The following HRH1 variants were observed in gnomAD, a reference collection of about 807,000 sequenced individuals.
HRH1 encodes the protein histamine receptor H1.
Under a neutral mutation model 10.3 loss-of-function variants are expected in HRH1, and 6 were observed. That is an observed-to-expected ratio of 0.58 (90% CI 0.32 to 1.15). The LOEUF is 1.15. Among genes scored for constraint, HRH1 ranks in the 50% most tolerant of loss-of-function variants. HRH1 has a pLI of 0.05. For synonymous variants in HRH1, 242 were observed against 236.7 expected (o/e 1.02, Z -0.21); for missense variants, 514 against 615.3 (o/e 0.84, Z 1.74).
At chr3:11,164,841 A>G (rs1183809356) in intron 1 of HRH1, among the ~76,000 whole-genome samples, 1 of 152,222 alleles carries the variant, frequency 6.6e-6, no homozygotes, top group Non-Finnish European at 1.5e-5. Flanking sequence ...CCAAAGAAAA[A>G]GTTCTCGCTG....
chr3:11,247,875 G>A (rs347590), intron 1 of HRH1, among the ~76,000 whole-genome samples: 82,928 of 151,910 alleles, frequency 0.55, 23,910 homozygotes, highest in Non-Finnish European at 0.65. Context: ...GCACTAAACC[G>A]CAAATACAGG....
At chr3:11,154,012 A>G (rs567267243), upstream of HRH1, among the ~76,000 whole-genome samples, 34 of 152,288 alleles carry the variant, frequency 2.2e-4, no homozygotes, top group African/African-American at 7.9e-4. This position sits in a 1 kb window ranked among gnomAD's most constrained non-coding sequence, Gnocchi z 4.4. Flanking sequence ...TGAGGGGCGC[A>G]GGTATCACTA....
chr3:11,179,902 T>C (rs1937320330), intron 1 of HRH1, among the ~76,000 whole-genome samples: 1 of 151,668 alleles, frequency 6.6e-6, no homozygotes, highest in African/African-American at 2.4e-5. Context: ...TCCTCAGTAG[T>C]TGGGACCACA....
intron 1 of HRH1, among the ~76,000 whole-genome samples, chr3:11,217,578 G>A (rs1390061978): frequency 6.6e-6 from 1 of 152,104 alleles, no homozygotes; most frequent in Non-Finnish European, 1.5e-5. Context: ...GGTTGAGGGA[G>A]GGAGAAATGG....
chr3:11,144,624 G>T (rs573577962), intron 1 of HRH1, among the ~76,000 whole-genome samples: 2 of 151,746 alleles, frequency 1.3e-5, no homozygotes, highest in South Asian at 4.2e-4. Context: ...CAGAGATGGG[G>T]TCATCACCAC....
intron 1 of HRH1, among the ~76,000 whole-genome samples, chr3:11,139,569 C>T (rs537585708): frequency 6.6e-6 from 1 of 152,110 alleles, no homozygotes; most frequent in Non-Finnish European, 1.5e-5. Context: ...CGTGAGCCAC[C>T]GTGACCCGCC....
intron 1 of HRH1, among the ~76,000 whole-genome samples, chr3:11,174,400 T>A (rs1040259006): frequency 1.3e-5 from 2 of 152,192 alleles, no homozygotes; most frequent in Non-Finnish European, 2.9e-5. Context: ...CCCAGAGCCT[T>A]GAGGGAAGAA....
At chr3:11,183,337 G>C (rs1937392319) in intron 1 of HRH1, among the ~76,000 whole-genome samples, 2 of 152,232 alleles carry the variant, frequency 1.3e-5, no homozygotes, top group Non-Finnish European at 2.9e-5. Flanking sequence ...TTCTAAAGCA[G>C]TTTTTGTTAG....
At chr3:11,179,358 C>G (rs189283418) in intron 1 of HRH1, among the ~76,000 whole-genome samples, 1 of 151,792 alleles carries the variant, frequency 6.6e-6, no homozygotes, top group Admixed American at 6.6e-5. Context: ...CGGTGGCTCA[C>G]GCCTGTAATG....
At chr3:11,234,613 G>A in intron 1 of HRH1, 1 of 1,434,486 alleles carries the variant, frequency 7.0e-7, no homozygotes, top group Non-Finnish European at 9.8e-7. Flanking sequence ...TGCATTGCTT[G>A]GAGTTTCATG....
chr3:11,180,171 CA>C (rs1304675466), intron 1 of HRH1, among the ~76,000 whole-genome samples: 10 of 152,216 alleles, frequency 6.6e-5, no homozygotes, highest in Non-Finnish European at 5.9e-5. Context: ...GATGTGCAAC[CA>C]TCACCACTAT....
At chr3:11,228,750 A>T (rs1255277218) in intron 1 of HRH1, among the ~76,000 whole-genome samples, 4 of 151,826 alleles carry the variant, frequency 2.6e-5, no homozygotes, top group East Asian at 1.9e-4. Context: ...CATCTCTATT[A>T]AAAAAATACA....
At chr3:11,255,136 A>G (rs1939751623) in intron 1 of HRH1, among the ~76,000 whole-genome samples, 1 of 152,210 alleles carries the variant, frequency 6.6e-6, no homozygotes, top group South Asian at 2.1e-4. Flanking sequence ...CAAAGAACAG[A>G]GAACTAAACC....
intron 1 of HRH1, among the ~76,000 whole-genome samples, chr3:11,244,071 C>T (rs752282807): frequency 3.9e-5 from 6 of 152,194 alleles, no homozygotes; most frequent in African/African-American, 7.2e-5. Context: ...GGGCAGTCCT[C>T]GCTGATATGG....
chr3:11,177,093 CAA>C (rs373557001), intron 1 of HRH1, among the ~76,000 whole-genome samples: 6 of 130,658 alleles, frequency 4.6e-5, no homozygotes, highest in Admixed American at 7.8e-5. Context: ...ACTCTTGTCT[CAA>C]AAAAAAAAAA....
At chr3:11,258,872 C>T (rs1939855141) in intron 1 of HRH1, 131 bp from the exon 2 acceptor site, 2 of 606,216 alleles carry the variant, frequency 3.3e-6, no homozygotes, top group Non-Finnish European at 5.7e-6. Context: ...GGGTACATGG[C>T]TATTGAGTAG....
intron 1 of HRH1, among the ~76,000 whole-genome samples, chr3:11,170,216 C>T (rs748599868): frequency 5.9e-5 from 9 of 152,188 alleles, no homozygotes; most frequent in Non-Finnish European, 1.2e-4. Context: ...AGGCCAAGCT[C>T]CTGCAAACTG....
intron 1 of HRH1, among the ~76,000 whole-genome samples, chr3:11,247,475 G>A (rs539468005): frequency 3.9e-5 from 6 of 152,268 alleles, no homozygotes; most frequent in East Asian, 3.9e-4. Context: ...CCCAATCTAA[G>A]CTAATTCGAT....
At chr3:11,236,957 A>C (rs907298896) in intron 1 of HRH1, among the ~76,000 whole-genome samples, 46 of 152,186 alleles carry the variant, frequency 3.0e-4, no homozygotes, top group African/African-American at 1.1e-3. Flanking sequence ...CAGCTCTTTT[A>C]TTTAGTTCAA....
Sources: allele counts gnomAD v4.1 joint callset (sites outside exome capture counted in the v4.1 genomes callset), GRCh38; gene constraint gnomAD v4.1.1; non-coding constraint Gnocchi (gnomAD v3.1); transcripts MANE v1.5; gene names NCBI Gene and HGNC (gene_info 2026-07-23, HGNC 2026-07-21).